Variants in IGSF21 observed in about 807,000 individuals in gnomAD.
The protein encoded by IGSF21 is immunoglobin superfamily member 21, also known as immunoglobulin superfamily member 21.
A neutral mutation model predicts 46.8 loss-of-function variants in IGSF21; 28 were observed. The ratio of observed to expected loss-of-function variants is 0.60; its 90% CI spans 0.44 to 0.82. The LOEUF (loss-of-function observed/expected upper bound fraction) is 0.82, where lower values mean the gene tolerates loss of function less well. IGSF21 is among the 40% of genes least tolerant of loss of function. IGSF21 has a pLI of 0.00. For missense variants in IGSF21, 624 were observed against 665.5 expected (o/e 0.94, Z 0.69); for synonymous variants, 284 against 273.6 (o/e 1.04, Z -0.38).
intron 2 of IGSF21, among the ~76,000 whole-genome samples, chr1:18,245,216 G>A (rs1190405877): frequency 6.6e-6 from 1 of 152,136 alleles, no homozygotes; most frequent in Non-Finnish European, 1.5e-5. Flanking sequence ...TTATGAATAG[G>A]AAGGTTACTT....
intron 3 of IGSF21, among the ~76,000 whole-genome samples, chr1:18,315,832 T>TGGCTAGAA (rs58352887): frequency 6.8e-6 from 1 of 146,396 alleles, no homozygotes; most frequent in Non-Finnish European, 1.5e-5. Flanking sequence ...GATGGCTAGA[T>TGGCTAGAA]AGGTAGATGG....
chr1:18,195,013 G>GA (rs1041129970), intron 1 of IGSF21, among the ~76,000 whole-genome samples: 14 of 152,188 alleles, frequency 9.2e-5, no homozygotes, highest in African/African-American at 3.4e-4. Flanking sequence ...GCTCCCTTGA[G>GA]ACTTATTCAC....
At chr1:18,275,389 G>T (rs529915002) in intron 2 of IGSF21, among the ~76,000 whole-genome samples, 1 of 152,134 alleles carries the variant, frequency 6.6e-6, no homozygotes, top group Non-Finnish European at 1.5e-5. Context: ...TGACCTTCCC[G>T]TCTCAGCAAT....
intron 1 of IGSF21, among the ~76,000 whole-genome samples, chr1:18,165,053 A>G (rs951988640): frequency 6.6e-6 from 1 of 151,972 alleles, no homozygotes; most frequent in Non-Finnish European, 1.5e-5. Flanking sequence ...GTCCCTACGA[A>G]GGATATGAAC....
At chr1:18,199,815 G>T (rs768584331) in intron 1 of IGSF21, among the ~76,000 whole-genome samples, 1 of 151,958 alleles carries the variant, frequency 6.6e-6, no homozygotes, top group Non-Finnish European at 1.5e-5. Flanking sequence ...AAGTTTTATC[G>T]GGAGCTCAGA....
rs1026521237 is a variant in IGSF21, at chr1:18,109,763, G to C, written c.70+1565G>C. 3.9e-5 allele frequency: 6 copies of C among 152,270 alleles called. No individual in the cohort carries two copies. The highest frequency in any genetic ancestry group is 1.4e-4 in the African/African-American group (6 of 41,448). 9.4% of individuals were successfully genotyped at this position (152,270 alleles called of 1,614,324 possible). ...TGGGAGGAGGGCTCTAGAGGGAAAG[G>C]TTACATGGGGGAGGTCCTCGTTCCA... On this transcript the variant is annotated intron_variant, in intron 1 of 9. Coordinates refer to ENST00000251296, the MANE Select transcript of IGSF21 (RefSeq NM_032880.5). This position sits in a 1 kb window ranked among gnomAD's most constrained non-coding sequence, Gnocchi z 4.8.
At chr1:18,186,083 G>A (rs564304609) in intron 1 of IGSF21, among the ~76,000 whole-genome samples, 2 of 152,318 alleles carry the variant, frequency 1.3e-5, no homozygotes, top group Admixed American at 6.5e-5. Context: ...GATGAGCTGG[G>A]CTATTTAAAT....
intron 1 of IGSF21, among the ~76,000 whole-genome samples, chr1:18,196,797 T>C (rs992089562): frequency 3.3e-5 from 5 of 152,156 alleles, no homozygotes; most frequent in African/African-American, 1.2e-4. Flanking sequence ...CTTGAGCCTC[T>C]CAAGCCCAGG....
At chr1:18,276,797 C>T (rs2085106920) in intron 2 of IGSF21, among the ~76,000 whole-genome samples, 1 of 152,188 alleles carries the variant, frequency 6.6e-6, no homozygotes, top group Non-Finnish European at 1.5e-5. Context: ...ACACTGGTCC[C>T]ACCCTTCCCG....
intron 1 of IGSF21, among the ~76,000 whole-genome samples, chr1:18,140,445 G>A (rs1242163428): frequency 6.6e-6 from 1 of 152,120 alleles, no homozygotes; most frequent in Non-Finnish European, 1.5e-5. Context: ...ATCTCGGGGA[G>A]CCCAAACCAA....
At chr1:18,136,898 G>A (rs977808537) in intron 1 of IGSF21, among the ~76,000 whole-genome samples, 4 of 152,150 alleles carry the variant, frequency 2.6e-5, no homozygotes, top group Non-Finnish European at 2.9e-5. Flanking sequence ...AGCATGGAAT[G>A]TTCTTCCATT....
At chr1:18,220,564 A>G (rs1283821462) in intron 1 of IGSF21, among the ~76,000 whole-genome samples, 4 of 152,058 alleles carry the variant, frequency 2.6e-5, no homozygotes. Context: ...TGGGGACCAT[A>G]GCAAATAGAA....
intron 5 of IGSF21, among the ~76,000 whole-genome samples, chr1:18,364,828 G>A (rs968692866): frequency 6.6e-6 from 1 of 152,136 alleles, no homozygotes; most frequent in African/African-American, 2.4e-5. Context: ...GAGTGGGCAT[G>A]GACCACACCC....
chr1:18,299,255 C>T (rs115776951), intron 3 of IGSF21, among the ~76,000 whole-genome samples: 4,860 of 152,282 alleles, frequency 0.032, 262 homozygotes, highest in African/African-American at 0.11. Flanking sequence ...TAAGCGGAAG[C>T]TCTCTGGAAT....
chr1:18,109,657 G>A lies in IGSF21; in HGVS notation c.70+1459G>A, dbSNP rs956867888. On this transcript the variant is annotated intron_variant, in intron 1 of 9. Transcript: ENST00000251296. The surrounding 1 kb of genome is among the most constrained non-coding windows in gnomAD (Gnocchi z 4.8). ...GGGAGGGGTTGGTGTAACCCAGAAGGAATGCAAACCCTGTACTTTGTTCCC... is the reference window on the plus strand; with the variant it reads ...GGGAGGGGTTGGTGTAACCCAGAAGAAATGCAAACCCTGTACTTTGTTCCC... 6.6e-6 allele frequency: 1 copy of A among 152,258 alleles called. No individual in the cohort carries two copies. Among genetic ancestry groups the A allele is most frequent in the Non-Finnish European group, 1.5e-5 (1 of 68,128 alleles). The allele number at this position is 152,258 out of a possible 1,614,324, so 9.4% of individuals were successfully genotyped here.
At chr1:18,340,227 C>A (rs1332425491) in intron 4 of IGSF21, among the ~76,000 whole-genome samples, 8 of 150,792 alleles carry the variant, frequency 5.3e-5, no homozygotes, top group African/African-American at 9.8e-5. Context: ...AAAAAAAAAA[C>A]CAAACAAACA....
rs575374947 is a variant in IGSF21 at position 18,319,205 on chromosome 1, C to T, written c.306-15687C>T. ...TGTGCATGGCTTCCATTCTGAAGGT[C>T]ACCTTAAAGTTTAAGAAGGCTGCAC... On this transcript the variant is annotated intron_variant, in intron 3 of 9. Transcript: ENST00000251296. Among the ~76,000 whole-genome samples, 12 of 152,322 alleles carry T rather than the reference C, an allele frequency of 7.9e-5. No homozygotes were observed. The East Asian group carries it at 2.3e-3, about 29-fold the overall frequency.
Position 18,348,181 on chromosome 1 carries a change from C to T in IGSF21, c.424+13171C>T, listed in dbSNP as rs147560551. 4.4e-3 allele frequency among the ~76,000 whole-genome samples: 671 copies of T among 152,344 alleles called. 1 individual carries two copies. Among genetic ancestry groups the T allele is most frequent in the African/African-American group, 0.015 (630 of 41,578 alleles). On this transcript the variant is annotated intron_variant, in intron 4 of 9. Transcript: ENST00000251296. Reference sequence around the variant, plus strand: ...CCAAGGTCACACAGTGAGTAAGTGGCAGCGTTTGTTTTCAAACCCTGATTG... The same window carrying T: ...CCAAGGTCACACAGTGAGTAAGTGGTAGCGTTTGTTTTCAAACCCTGATTG...
chr1:18,272,126 G>A (rs2085048522), intron 2 of IGSF21, among the ~76,000 whole-genome samples: 1 of 152,146 alleles, frequency 6.6e-6, no homozygotes, highest in African/African-American at 2.4e-5. Context: ...AGTCTTCCAT[G>A]GCAGCAGACA....
Sources: gnomAD v4.1 joint callset for allele counts (sites outside exome capture counted in the v4.1 genomes callset) on GRCh38, gnomAD v4.1.1 for gene constraint, Gnocchi (gnomAD v3.1) non-coding constraint, MANE v1.5 for transcripts, NCBI Gene and HGNC (gene_info 2026-07-23, HGNC 2026-07-21) for gene names.